The following KIAA1217 variants were observed in gnomAD, a reference collection of about 807,000 sequenced individuals.
KIAA1217 encodes the protein sickle tail protein homolog.
Under a neutral mutation model 163.9 loss-of-function variants are expected in KIAA1217, and 88 were observed. The ratio of observed to expected loss-of-function variants is 0.54; its 90% CI spans 0.45 to 0.64. The LOEUF (loss-of-function observed/expected upper bound fraction) is 0.64, where lower values mean the gene tolerates loss of function less well. Among genes scored for constraint, KIAA1217 ranks in the 30% least tolerant of loss-of-function variants. The probability of loss-of-function intolerance (pLI) is 0.00; values close to 1 mark genes in which losing one functional copy is unlikely to be tolerated. For synonymous variants in KIAA1217, 903 were observed against 923.1 expected, an observed-to-expected ratio of 0.98 and a Z score of 0.39; for missense variants, 2,372 against 2,475.0, an observed-to-expected ratio of 0.96 and a Z score of 0.88.
chr10:23,943,149 A>G (rs949373756), intron 1 of KIAA1217, among the ~76,000 whole-genome samples: 1 of 152,006 alleles, frequency 6.6e-6, no homozygotes, highest in Non-Finnish European at 1.5e-5. Flanking sequence ...GAAAATTCAC[A>G]TATATTTTAT....
At chr10:24,016,650 G>C (rs1346165072) in intron 2 of KIAA1217, among the ~76,000 whole-genome samples, 2 of 152,072 alleles carry the variant, frequency 1.3e-5, no homozygotes, top group African/African-American at 4.8e-5. Context: ...AATTAAGGAT[G>C]TGTGTTCTGG....
At chr10:23,858,422 A>G (rs954226426) in intron 1 of KIAA1217, among the ~76,000 whole-genome samples, 6 of 151,848 alleles carry the variant, frequency 4.0e-5, no homozygotes, top group African/African-American at 1.5e-4. Flanking sequence ...CCACAACAGC[A>G]TATATATATG....
intron 2 of KIAA1217, among the ~76,000 whole-genome samples, chr10:24,041,972 T>C (rs1438384896): frequency 1.3e-5 from 2 of 152,086 alleles, no homozygotes; most frequent in Non-Finnish European, 2.9e-5. Flanking sequence ...GCGTTTCATA[T>C]TCCCTATTGC....
At chr10:24,008,849 T>C (rs548107934) in intron 2 of KIAA1217, among the ~76,000 whole-genome samples, 4 of 152,124 alleles carry the variant, frequency 2.6e-5, no homozygotes, top group Non-Finnish European at 5.9e-5. Context: ...GTCAATATGA[T>C]GTGTGTATTT....
upstream of KIAA1217, among the ~76,000 whole-genome samples, chr10:24,204,100 T>A (rs570923439): frequency 1.2e-4 from 19 of 152,298 alleles, no homozygotes; most frequent in African/African-American, 4.3e-4. Flanking sequence ...CTATGTGTAG[T>A]TTCACATCAT....
chr10:23,768,684 C>T (rs184622014), intron 1 of KIAA1217, among the ~76,000 whole-genome samples: 8 of 152,064 alleles, frequency 5.3e-5, no homozygotes, highest in African/African-American at 1.4e-4. Flanking sequence ...TCACTGAGCT[C>T]GGTATCACAA....
chr10:24,041,507 C>G (rs1848631670), intron 2 of KIAA1217, among the ~76,000 whole-genome samples: 1 of 152,190 alleles, frequency 6.6e-6, no homozygotes, highest in Non-Finnish European at 1.5e-5. Flanking sequence ...CTGACTCTCT[C>G]TCTCTGATGC....
intron 1 of KIAA1217, among the ~76,000 whole-genome samples, chr10:23,926,798 T>A (rs548040893): frequency 6.6e-6 from 1 of 151,566 alleles, no homozygotes; most frequent in South Asian, 2.1e-4. Context: ...CCTCCCTTCC[T>A]CCCTCTTTTC....
chr10:24,214,401 T>TC, intron 1 of KIAA1217, among the ~76,000 whole-genome samples: 1 of 152,022 alleles, frequency 6.6e-6, no homozygotes, highest in East Asian at 1.9e-4. Context: ...CACTATGGCA[T>TC]CCCCCACGGC....
At chr10:24,172,332 G>A (rs2065670760) in intron 2 of KIAA1217, among the ~76,000 whole-genome samples, 1 of 152,142 alleles carries the variant, frequency 6.6e-6, no homozygotes, top group Non-Finnish European at 1.5e-5. Flanking sequence ...TATCTTTCAT[G>A]TCCAAATTCA....
At chr10:24,275,569 T>C (rs1397246675) in intron 2 of KIAA1217, 4 of 444,668 alleles carry the variant, frequency 9.0e-6, no homozygotes, top group South Asian at 1.6e-5. Flanking sequence ...AGATTTTAGG[T>C]GATGGGCATA....
At chr10:24,031,941 C>CT (rs200949004) in intron 2 of KIAA1217, among the ~76,000 whole-genome samples, 4,938 of 152,274 alleles carry the variant, frequency 0.032, 155 homozygotes, top group African/African-American at 0.078. Flanking sequence ...ATTTTGCATA[C>CT]TTCCCACTGC....
At chr10:23,779,442 G>C (rs1354864155) in intron 1 of KIAA1217, among the ~76,000 whole-genome samples, 1 of 152,132 alleles carries the variant, frequency 6.6e-6, no homozygotes, top group Non-Finnish European at 1.5e-5. Flanking sequence ...AGCCTCCAGA[G>C]TTGCTTATTC....
chr10:24,470,885 G>C (rs969379621), intron 5 of KIAA1217, among the ~76,000 whole-genome samples: 3 of 152,182 alleles, frequency 2.0e-5, no homozygotes, highest in Non-Finnish European at 2.9e-5. Flanking sequence ...CCAGGAGCAA[G>C]ATAAGGAAGC....
intron 1 of KIAA1217, among the ~76,000 whole-genome samples, chr10:23,822,378 A>G (rs998050193): frequency 6.6e-6 from 1 of 152,236 alleles, no homozygotes; most frequent in South Asian, 2.1e-4. Context: ...CAAGACATAA[A>G]CTTTATTTTA....
intron 1 of KIAA1217, among the ~76,000 whole-genome samples, chr10:23,785,292 T>C (rs908458691): frequency 3.9e-5 from 6 of 152,166 alleles, no homozygotes; most frequent in Non-Finnish European, 5.9e-5. Context: ...TCTGACTAAC[T>C]CATCCTTTAG....
In KIAA1217 at chr10:23,794,960, G is replaced by A. The variant is rs182334959; in HGVS notation, c.-321+99726G>A. 1.4e-3 allele frequency among the ~76,000 whole-genome samples: 218 copies of A among 152,280 alleles called. 1 individual carries two copies. The highest frequency in any genetic ancestry group is 5.1e-3 in the African/African-American group (212 of 41,568). ...CCTGACTCAGTTTCCAGCTTGTGAT[G>A]CCCCAAAGTCCTTTGTAGGAGAGCT... is the stretch of plus-strand genomic sequence containing the variant. On this transcript the variant is annotated intron_variant, in intron 1 of 18. Transcript: ENST00000376462.
chr10:24,294,822 A>G lies in KIAA1217; in HGVS notation c.354+74913A>G, dbSNP rs1456391875. ...TCTGAAACTCTAGGACCTGAAAGGC[A>G]AGTGCAATTCGGTCACTGTCCACAT... On this transcript the variant is annotated intron_variant, in intron 2 of 20. Coordinates refer to ENST00000376454, the MANE Select transcript of KIAA1217 (RefSeq NM_019590.5). Among the ~76,000 whole-genome samples, 3 of 152,206 alleles carry G rather than the reference A, an allele frequency of 2.0e-5. No homozygotes were observed. The South Asian group carries it at 6.2e-4, about 32-fold the overall frequency.
chr10:24,397,677 G>T (rs2055989484), intron 3 of KIAA1217, among the ~76,000 whole-genome samples: 1 of 152,292 alleles, frequency 6.6e-6, no homozygotes, highest in South Asian at 2.1e-4. Context: ...AAAGGGGGAA[G>T]GTCTCTTATG....
Sources: gnomAD v4.1 joint callset for allele counts (sites outside exome capture counted in the v4.1 genomes callset) on GRCh38, gnomAD v4.1.1 for gene constraint, MANE v1.5 for transcripts, NCBI Gene and HGNC (gene_info 2026-07-23, HGNC 2026-07-21) for gene names.